The following PTPRB variants were observed in gnomAD, a reference collection of about 807,000 sequenced individuals.
The protein encoded by PTPRB is receptor-type tyrosine-protein phosphatase beta.
A neutral mutation model predicts 238.1 loss-of-function variants in PTPRB; 97 were observed. The ratio of observed to expected loss-of-function variants is 0.41; its 90% CI spans 0.35 to 0.48. The LOEUF (loss-of-function observed/expected upper bound fraction) is 0.48, where lower values mean the gene tolerates loss of function less well. Ranked by LOEUF, PTPRB falls within the 20% of genes least tolerant of loss-of-function variation. PTPRB has a pLI of 0.30. For synonymous variants in PTPRB, 970 were observed against 995.4 expected, an observed-to-expected ratio of 0.97 and a Z score of 0.48; for missense variants, 2,292 against 2,681.9, an observed-to-expected ratio of 0.85 and a Z score of 3.21.
intron 16 of PTPRB, 91 bp from the exon 17 acceptor site, chr12:70,561,025 G>C: frequency 7.5e-7 from 1 of 1,327,206 alleles, no homozygotes; most frequent in Non-Finnish European, 1.1e-6. Context: ...TTGGGCATGT[G>C]GGTGAGTCGT....
chr12:70,533,927 T>TATTA (rs1873685595), intron 31 of PTPRB, among the ~76,000 whole-genome samples: 1 of 152,190 alleles, frequency 6.6e-6, no homozygotes, highest in Admixed American at 6.5e-5. Context: ...GATAAATTTC[T>TATTA]ATTATTTATT....
At chr12:70,569,178 C>G (rs566437857) in intron 14 of PTPRB, among the ~76,000 whole-genome samples, 1 of 152,290 alleles carries the variant, frequency 6.6e-6, no homozygotes, top group South Asian at 2.1e-4. Context: ...TCACGACTCA[C>G]TGCAGCCTTG....
At chr12:70,532,286 G>T in intron 31 of PTPRB, 116 bp from the exon 32 acceptor site, 2 of 1,274,038 alleles carry the variant, frequency 1.6e-6, no homozygotes, top group South Asian at 1.6e-5. Flanking sequence ...GAGAAGATAG[G>T]AATATTTCTT....
At chr12:70,593,393 A>T (rs1882681417) in intron 6 of PTPRB, among the ~76,000 whole-genome samples, 1 of 151,896 alleles carries the variant, frequency 6.6e-6, no homozygotes, top group Admixed American at 6.6e-5. Flanking sequence ...GGTGCCTGCA[A>T]TCTTAGCTAC....
chr12:70,592,685 A>C, intron 6 of PTPRB, 140 bp from the exon 7 acceptor site: 1 of 883,774 alleles, frequency 1.1e-6, no homozygotes, highest in African/African-American at 1.7e-5. Context: ...GGCAAATATT[A>C]TCCTCTTCAG....
At position 70,594,523 on chromosome 12, in the gene PTPRB, G is replaced by A. The variant is rs766484642; in HGVS notation, c.1460C>T (p.Thr487Ile). 6.2e-7 allele frequency: 1 copy of A among 1,613,856 alleles called. No individual in the cohort carries two copies. Among genetic ancestry groups the A allele is most frequent in the African/African-American group, 1.3e-5 (1 of 74,922 alleles). Residue 487 changes from threonine to isoleucine, a missense_variant, in exon 6 of 34, where the codon ACT becomes ATT. Coordinates refer to ENST00000334414, the MANE Select transcript of PTPRB (RefSeq NM_001109754.4). ...GLTPGYLYNLTVMTEAAGLQN... is the reference protein window; with the variant it reads ...GLTPGYLYNLIVMTEAAGLQN... ...CAGCCCTGCAGCCTCAGTCATAACA[G>A]TGAGGTTGTAGAGGTAGCCAGGGGT...
chr12:70,624,173 A>T (rs755523095), intron 2 of PTPRB, among the ~76,000 whole-genome samples: 8 of 152,186 alleles, frequency 5.3e-5, no homozygotes, highest in Non-Finnish European at 1.0e-4. Flanking sequence ...AATTTTTAGT[A>T]TAATTCAGTA....
At chr12:70,628,641 T>C (rs898992741) in intron 2 of PTPRB, among the ~76,000 whole-genome samples, 3 of 152,204 alleles carry the variant, frequency 2.0e-5, no homozygotes, top group African/African-American at 4.8e-5. Flanking sequence ...CCCCATCTGA[T>C]AGATTCATAA....
intron 4 of PTPRB, among the ~76,000 whole-genome samples, chr12:70,597,381 T>C (rs1391565375): frequency 6.6e-6 from 1 of 152,186 alleles, no homozygotes; most frequent in Non-Finnish European, 1.5e-5. Flanking sequence ...TTTGCCTATG[T>C]TGAATCTCCA....
chr12:70,621,355 T>C (rs889039179), intron 3 of PTPRB, among the ~76,000 whole-genome samples: 3 of 152,182 alleles, frequency 2.0e-5, no homozygotes, highest in Non-Finnish European at 4.4e-5. Flanking sequence ...GTTCACATTA[T>C]TTCCTGGAGT....
At position 70,538,377 on chromosome 12, in the gene PTPRB, AT is replaced by A. The variant is rs1189772302; in HGVS notation, c.5870-147del. 9.5e-6 allele frequency: 6 copies of A among 632,108 alleles called. No individual in the cohort carries two copies. The Admixed American group carries it at 9.7e-5, about 10-fold the overall frequency. 39.2% of individuals were successfully genotyped at this position (632,108 alleles called of 1,614,324 possible). ...ATTTTGCAGATGAGGCTCAGGCAGG[AT>A]AACTAACTTGCCCCATGTTGCATAG... is the stretch of plus-strand genomic sequence containing the variant. On this transcript the variant is annotated intron_variant, in intron 27 of 33. Coordinates refer to ENST00000334414, the MANE Select transcript of PTPRB (RefSeq NM_001109754.4).
At chr12:70,521,624 A>AT (rs1241076002) in intron 33 of PTPRB, 113 bp from the exon 34 acceptor site, 2 of 879,436 alleles carry the variant, frequency 2.3e-6, no homozygotes, top group African/African-American at 1.8e-5. Context: ...AGCTCAACCT[A>AT]GTTTAAGATG....
At position 70,589,574 on chromosome 12, in the gene PTPRB, C is replaced by G. The variant is rs115664477; in HGVS notation, c.2050+390G>C. Reference sequence around the variant, plus strand: ...CCCTAAAATCCAAATATATCCCTCTCCACTTTAATCACTCTTCATTGGTAC... The same window carrying G: ...CCCTAAAATCCAAATATATCCCTCTGCACTTTAATCACTCTTCATTGGTAC... On this transcript the variant is annotated intron_variant, in intron 8 of 33. Coordinates refer to ENST00000334414, the MANE Select transcript of PTPRB (RefSeq NM_001109754.4). Among the ~76,000 whole-genome samples the G allele has an allele frequency of 8.7e-3, 1,327 of 152,260 alleles. 14 individuals carry two copies. Among genetic ancestry groups the G allele is most frequent in the African/African-American group, 0.03 (1,250 of 41,534 alleles).
rs572584675 is a variant in PTPRB at position 70,537,561 on chromosome 12, GTTGC to G, written c.5946+590_5946+593del. ...TAAGTGTTTATTGAGTGAATGGATG[GTTGC>G]TTGAGGTATGAGGTAAATATTATTA... On this transcript the variant is annotated intron_variant, in intron 28 of 33. Coordinates refer to ENST00000334414, the MANE Select transcript of PTPRB (RefSeq NM_001109754.4). Among the ~76,000 whole-genome samples, 920 of 152,262 alleles carry G rather than the reference GTTGC, an allele frequency of 6.0e-3. 1 individual carries two copies. Among genetic ancestry groups the G allele is most frequent in the Middle Eastern group, 0.014 (4 of 294 alleles).
intron 4 of PTPRB, among the ~76,000 whole-genome samples, chr12:70,603,980 A>G (rs1883733917): frequency 6.6e-6 from 1 of 152,316 alleles, no homozygotes; most frequent in Admixed American, 6.5e-5. Context: ...ATTAAACATA[A>G]TATGTGGTAG....
Position 70,609,220 on chromosome 12 carries a change from A to G in PTPRB, c.828T>C (p.Tyr276=), listed in dbSNP as rs1884223334. 6.2e-7 allele frequency: 1 copy of G among 1,614,054 alleles called. No individual in the cohort carries two copies. The highest frequency in any genetic ancestry group is 8.5e-7 in the Non-Finnish European group (1 of 1,179,898). The change falls in exon 4 of 34, where the codon TAT becomes TAC. Residue 276 remains tyrosine (Y), a synonymous_variant. Transcript: ENST00000334414. The part of the protein sequence containing the change: ...LGSPCNFSLI[Y]SSDTLGAALC... ...ACGCGGCCCCCAGGGTGTCACTGCT[A>G]TAGATGAGGCTAAAGTTACAGGGTG...
At chr12:70,616,897 G>A (rs1884704387) in intron 3 of PTPRB, among the ~76,000 whole-genome samples, 1 of 152,128 alleles carries the variant, frequency 6.6e-6, no homozygotes, top group African/African-American at 2.4e-5. Context: ...TTGACTCCAG[G>A]ACCCTTATGT....
intron 2 of PTPRB, among the ~76,000 whole-genome samples, chr12:70,624,042 T>C (rs1885063885): frequency 6.6e-6 from 1 of 152,194 alleles, no homozygotes; most frequent in Non-Finnish European, 1.5e-5. Flanking sequence ...ATCTTGGCTA[T>C]AAAGCAGTCT....
intron 27 of PTPRB, chr12:70,538,523 C>A: frequency 2.2e-6 from 1 of 452,662 alleles, no homozygotes; most frequent in Non-Finnish European, 3.9e-6. Context: ...GGAATGAATA[C>A]AATCCAGAAA....
Sources: allele counts gnomAD v4.1 joint callset (sites outside exome capture counted in the v4.1 genomes callset), GRCh38; gene constraint gnomAD v4.1.1; transcripts MANE v1.5; gene names NCBI Gene and HGNC (gene_info 2026-07-23, HGNC 2026-07-21).